DSTN: variants seen among roughly 807,000 people sequenced by gnomAD.
The protein encoded by DSTN is destrin.
In DSTN, 10 loss-of-function variants were observed where a neutral mutation model predicts 16.8. That is an observed-to-expected ratio of 0.60 (90% CI 0.37 to 1.01). The LOEUF is 1.01. DSTN is among the 50% of genes least tolerant of loss of function. The pLI, the probability that DSTN is intolerant of heterozygous loss-of-function variation, is 0.01. For missense variants in DSTN, 141 were observed against 196.7 expected (o/e 0.72, Z 1.69); for synonymous variants, 57 against 58.9 (o/e 0.97, Z 0.14).
At chr20:17,582,648 G>A (rs1353723893) in intron 1 of DSTN, among the ~76,000 whole-genome samples, 3 of 152,154 alleles carry the variant, frequency 2.0e-5, no homozygotes, top group East Asian at 3.8e-4. Flanking sequence ...TTGGATATCC[G>A]CATGCAAAAG....
chr20:17,608,410 G>C lies in DSTN; in HGVS notation c.*1264G>C, dbSNP rs1260234001. 1.3e-5 allele frequency: 2 copies of C among 152,106 alleles called. No individual in the cohort carries two copies. The highest frequency in any genetic ancestry group is 4.8e-5 in the African/African-American group (2 of 41,420). The allele number at this position is 152,106 out of a possible 1,614,324, so 9.4% of individuals were successfully genotyped here. On this transcript the variant is annotated 3_prime_UTR_variant, in exon 4 of 4. Coordinates refer to ENST00000246069, the MANE Select transcript of DSTN (RefSeq NM_006870.4). ...TTTGGGAGGCCGAGGCAAGAGGATA[G>C]TTTGAGGCCAGGAGTTTGACAATCA... is the stretch of plus-strand genomic sequence containing the variant.
chr20:17,607,964 G>C lies in DSTN; in HGVS notation c.*818G>C, dbSNP rs1181979930. 6.6e-6 allele frequency: 1 copy of C among 152,214 alleles called. No individual in the cohort carries two copies. Among genetic ancestry groups the C allele is most frequent in the Non-Finnish European group, 1.5e-5 (1 of 68,044 alleles). 9.4% of individuals were successfully genotyped at this position (152,214 alleles called of 1,614,324 possible). On this transcript the variant is annotated 3_prime_UTR_variant, in exon 4 of 4. Transcript: ENST00000246069. ...ATCTTTAATTGTATCTCCTTCAGAAGTTTGCTTCTTATGGTATAATAAAGT... is the reference window on the plus strand; with the variant it reads ...ATCTTTAATTGTATCTCCTTCAGAACTTTGCTTCTTATGGTATAATAAAGT...
In DSTN at chr20:17,608,133, A is replaced by C. The variant is rs1033258945; in HGVS notation, c.*987A>C. 7 of 152,244 alleles carry C rather than the reference A, an allele frequency of 4.6e-5. No individual in the cohort carries two copies. Among genetic ancestry groups the C allele is most frequent in the African/African-American group, 1.7e-4 (7 of 41,464 alleles). The allele number at this position is 152,244 out of a possible 1,614,324, so 9.4% of individuals were successfully genotyped here. On this transcript the variant is annotated 3_prime_UTR_variant, in exon 4 of 4. Transcript: ENST00000246069. ...TGTTCACTGACACTTGGAAGCGGTC[A>C]TTGTTAATATCACGGGCGTAACACT... is the stretch of plus-strand genomic sequence containing the variant.
At chr20:17,604,248 A>G (rs2035617357) in intron 2 of DSTN, among the ~76,000 whole-genome samples, 1 of 152,228 alleles carries the variant, frequency 6.6e-6, no homozygotes, top group Admixed American at 6.5e-5. Context: ...TTATACAGTG[A>G]AGTACTCAGT....
intron 1 of DSTN, among the ~76,000 whole-genome samples, chr20:17,595,794 T>C (rs1474497984): frequency 6.6e-6 from 1 of 152,162 alleles, no homozygotes. Context: ...TGTCTAGCAA[T>C]AGTAAGTACT....
At chr20:17,595,254 A>G (rs2035513972) in intron 1 of DSTN, among the ~76,000 whole-genome samples, 3 of 152,096 alleles carry the variant, frequency 2.0e-5, no homozygotes, top group Admixed American at 6.5e-5. Context: ...GCTGTTCTGA[A>G]TTGTTAGTAG....
intron 1 of DSTN, among the ~76,000 whole-genome samples, chr20:17,590,189 T>G (rs2035454799): frequency 6.6e-6 from 1 of 152,230 alleles, no homozygotes; most frequent in African/African-American, 2.4e-5. Context: ...GAGAGAATTG[T>G]TATTTTAAGT....
chr20:17,583,925 G>A (rs1022559142), intron 1 of DSTN, among the ~76,000 whole-genome samples: 11 of 151,792 alleles, frequency 7.2e-5, no homozygotes, highest in Non-Finnish European at 7.4e-5. Flanking sequence ...TTTTTGTCAA[G>A]ATGAGGTCTC....
At chr20:17,588,577 C>T (rs1027516816) in intron 1 of DSTN, among the ~76,000 whole-genome samples, 2 of 152,178 alleles carry the variant, frequency 1.3e-5, no homozygotes, top group African/African-American at 2.4e-5. Context: ...GTCAGGAGAT[C>T]GAGACCATCC....
intron 1 of DSTN, among the ~76,000 whole-genome samples, chr20:17,580,619 C>T (rs577957774): frequency 2.1e-4 from 32 of 152,196 alleles, no homozygotes; most frequent in Non-Finnish European, 3.4e-4. Context: ...TGATGGCACG[C>T]GCCTGTAATC....
intron 1 of DSTN, among the ~76,000 whole-genome samples, chr20:17,586,368 C>G (rs1037022720): frequency 1.3e-5 from 2 of 152,192 alleles, no homozygotes; most frequent in Non-Finnish European, 2.9e-5. Context: ...AGGACAAAAC[C>G]AATGGCTTGC....
intron 1 of DSTN, among the ~76,000 whole-genome samples, chr20:17,575,461 AG>A (rs1369093063): frequency 6.6e-6 from 1 of 151,544 alleles, no homozygotes; most frequent in Non-Finnish European, 1.5e-5. Context: ...ATATTGTGAA[AG>A]CATTTTTTTT....
At chr20:17,576,263 T>C (rs762002424) in intron 1 of DSTN, 1 of 152,426 alleles carries the variant, frequency 6.6e-6, no homozygotes, top group Non-Finnish European at 1.5e-5. Context: ...TGCTTTGTTA[T>C]GTTTTACGTA....
chr20:17,592,792 C>A (rs550028762), intron 1 of DSTN, among the ~76,000 whole-genome samples: 2 of 152,300 alleles, frequency 1.3e-5, no homozygotes, highest in African/African-American at 4.8e-5. Flanking sequence ...TCCCCTCTCC[C>A]AGTCCAGTGA....
intron 2 of DSTN, among the ~76,000 whole-genome samples, chr20:17,601,984 C>T (rs2035592147): frequency 6.7e-6 from 1 of 149,662 alleles, no homozygotes; most frequent in Non-Finnish European, 1.5e-5. Context: ...GATACTTTGG[C>T]CTGAGTCAGG....
At chr20:17,582,375 G>A (rs776950156) in intron 1 of DSTN, among the ~76,000 whole-genome samples, 3 of 151,976 alleles carry the variant, frequency 2.0e-5, no homozygotes, top group Non-Finnish European at 2.9e-5. Flanking sequence ...CACCACACCC[G>A]GCCCCGAAGT....
At chr20:17,583,735 C>CTTTTTTT (rs71192397) in intron 1 of DSTN, among the ~76,000 whole-genome samples, 22,852 of 72,270 alleles carry the variant, frequency 0.32, 7,923 homozygotes, top group Non-Finnish European at 0.41. Flanking sequence ...TTTGGAGTTT[C>CTTTTTTT]TTTTTTTTTT....
rs1261173787 is a variant in DSTN at position 17,607,265 on chromosome 20, A to T, written c.*119A>T. 5.2e-6 allele frequency: 4 copies of T among 772,478 alleles called. No individual in the cohort carries two copies. The highest frequency in any genetic ancestry group is 8.0e-6 in the Non-Finnish European group (4 of 500,712). 47.9% of individuals were successfully genotyped at this position (772,478 alleles called of 1,614,324 possible). A position where few individuals can be genotyped will look rare whatever the true frequency, so the allele number is the denominator to read the frequency against. ...AGGGGGAGCTGTCTTGTCATCTTTT[A>T]GAGTAAACTATTCTATAAACATATG... is the stretch of plus-strand genomic sequence containing the variant. On this transcript the variant is annotated 3_prime_UTR_variant, in exon 4 of 4. Transcript: ENST00000246069.
chr20:17,607,555 G>A lies in DSTN; in HGVS notation c.*409G>A, dbSNP rs1327750051. 3 of 160,270 alleles carry A rather than the reference G, an allele frequency of 1.9e-5. No homozygotes were observed. The highest frequency in any genetic ancestry group is 7.2e-5 in the African/African-American group (3 of 41,578). 9.9% of individuals were successfully genotyped at this position (160,270 alleles called of 1,614,324 possible). On this transcript the variant is annotated 3_prime_UTR_variant, in exon 4 of 4. Coordinates refer to ENST00000246069, the MANE Select transcript of DSTN (RefSeq NM_006870.4). ...TGGTCCAAATTCTTTATTCTTCCTT[G>A]AGCTAAGCAGAATAATGGAATATAA...
Sources: allele counts gnomAD v4.1 joint callset (sites outside exome capture counted in the v4.1 genomes callset), GRCh38; gene constraint gnomAD v4.1.1; transcripts MANE v1.5; gene names NCBI Gene and HGNC (gene_info 2026-07-23, HGNC 2026-07-21).